Variants in GRIA2 observed in about 807,000 individuals in gnomAD.
GRIA2 encodes the protein glutamate ionotropic receptor AMPA type subunit 2, also known as glutamate receptor 2.
GRIA2 carries 14 observed loss-of-function variants against 97.3 expected under a neutral mutation model. The observed-to-expected ratio is 0.14, with a 90% CI of 0.10 to 0.23. GRIA2 has a LOEUF of 0.23. Among genes scored for constraint, GRIA2 ranks in the 10% least tolerant of loss-of-function variants. The pLI is 1.00. For missense variants in GRIA2, 558 were observed against 1,069.8 expected (o/e 0.52, Z 6.67); for synonymous variants, 412 against 387.8 (o/e 1.06, Z -0.73).
intron 2 of GRIA2, among the ~76,000 whole-genome samples, chr4:157,256,045 G>T (rs1446128272): frequency 6.7e-6 from 1 of 149,452 alleles, no homozygotes; most frequent in Admixed American, 6.8e-5. Flanking sequence ...TTAAATAAAA[G>T]TACTGTGTAT....
At chr4:157,343,225 A>G (rs575337627) in intron 12 of GRIA2, among the ~76,000 whole-genome samples, 1 of 152,212 alleles carries the variant, frequency 6.6e-6, no homozygotes, top group Admixed American at 6.6e-5. Flanking sequence ...GATGACTTCT[A>G]TCTATCAGTA....
Position 157,280,132 on chromosome 4 carries a change from C to A in GRIA2, c.230-23420C>A, listed in dbSNP as rs1732529876. ...AGAGTGAGACTTTGGCTCAAACAAA[C>A]AAACAAAAACAAGTATGACTCACAT... is the stretch of plus-strand genomic sequence containing the variant. On this transcript the variant is annotated intron_variant, in intron 2 of 15. Coordinates refer to ENST00000264426, the MANE Select transcript of GRIA2 (RefSeq NM_001083619.3). Among the ~76,000 whole-genome samples, 4 of 152,038 alleles carry A rather than the reference C, an allele frequency of 2.6e-5. No individual in the cohort carries two copies. The South Asian group carries it at 8.3e-4, about 32-fold the overall frequency.
chr4:157,349,172 T>A (rs1024544437), intron 12 of GRIA2, among the ~76,000 whole-genome samples: 1 of 152,138 alleles, frequency 6.6e-6, no homozygotes, highest in Non-Finnish European at 1.5e-5. Context: ...TAATATGATA[T>A]TTGAGGGTAA....
intron 2 of GRIA2, among the ~76,000 whole-genome samples, chr4:157,267,381 G>C (rs1353390188): frequency 8.3e-6 from 1 of 120,180 alleles, no homozygotes; most frequent in South Asian, 2.8e-4. Context: ...GACAGAGTGA[G>C]ACTCCATCTC....
At chr4:157,248,625 G>GTA (rs1255840304) in intron 2 of GRIA2, among the ~76,000 whole-genome samples, 1 of 16,336 alleles carries the variant, frequency 6.1e-5, no homozygotes. Context: ...GTATATATAC[G>GTA]TATATATATA....
rs1187482585 is a variant in GRIA2, at chr4:157,364,199, T to C, written c.*768T>C. 6.6e-6 allele frequency: 1 copy of C among 152,494 alleles called. No individual in the cohort carries two copies. The highest frequency in any genetic ancestry group is 6.6e-5 in the Admixed American group (1 of 15,222). 9.4% of individuals were successfully genotyped at this position (152,494 alleles called of 1,614,324 possible). A position where few individuals can be genotyped will look rare whatever the true frequency, so the allele number is the denominator to read the frequency against. On this transcript the variant is annotated 3_prime_UTR_variant, in exon 16 of 16. Coordinates refer to ENST00000264426, the MANE Select transcript of GRIA2 (RefSeq NM_001083619.3). ...TAATTTAATATTGTTATTAAAACTT[T>C]AATGTATCCTATTCTTTAACATTTG...
At chr4:157,230,816 A>G (rs1034026400) in intron 2 of GRIA2, among the ~76,000 whole-genome samples, 1 of 151,900 alleles carries the variant, frequency 6.6e-6, no homozygotes, top group African/African-American at 2.4e-5. Context: ...GAAAGGAGGC[A>G]CTATGCATTT....
intron 2 of GRIA2, among the ~76,000 whole-genome samples, chr4:157,242,146 T>C (rs1730538387): frequency 6.6e-6 from 1 of 152,110 alleles, no homozygotes; most frequent in Non-Finnish European, 1.5e-5. Context: ...ATCTTCAGCA[T>C]ATGGTTTTGA....
At chr4:157,258,587 C>T (rs1579311014) in intron 2 of GRIA2, among the ~76,000 whole-genome samples, 2 of 152,162 alleles carry the variant, frequency 1.3e-5, no homozygotes, top group East Asian at 1.9e-4. Flanking sequence ...CTCGCCCTGC[C>T]TCCATTTGCC....
intron 2 of GRIA2, among the ~76,000 whole-genome samples, chr4:157,282,835 A>G (rs1732668719): frequency 6.6e-6 from 1 of 152,098 alleles, no homozygotes; most frequent in African/African-American, 2.4e-5. Flanking sequence ...CTGAGCCCAG[A>G]AAATATGTAT....
intron 6 of GRIA2, among the ~76,000 whole-genome samples, chr4:157,326,669 A>T (rs76662889): frequency 6.5e-4 from 99 of 152,310 alleles, no homozygotes; most frequent in African/African-American, 2.3e-3. Flanking sequence ...AGGAACTAGG[A>T]TATGTAATGT....
intron 2 of GRIA2, among the ~76,000 whole-genome samples, chr4:157,289,077 T>A (rs1237093110): frequency 1.3e-5 from 2 of 151,852 alleles, no homozygotes; most frequent in African/African-American, 2.4e-5. Context: ...ATTGGAGCTC[T>A]GCTGTGACCA....
At chr4:157,238,969 T>C (rs1213408489) in intron 2 of GRIA2, among the ~76,000 whole-genome samples, 2 of 152,170 alleles carry the variant, frequency 1.3e-5, no homozygotes, top group Non-Finnish European at 2.9e-5. Context: ...ATAAACAGTT[T>C]ATTAAAGTCT....
intron 2 of GRIA2, among the ~76,000 whole-genome samples, chr4:157,290,745 G>A (rs529639783): frequency 7.5e-4 from 113 of 151,646 alleles, no homozygotes; most frequent in African/African-American, 2.6e-3. Flanking sequence ...TTGATAAAGT[G>A]TTTTAGAAGC....
intron 7 of GRIA2, 88 bp downstream of exon 7, chr4:157,333,074 T>G (rs1735129543): frequency 9.1e-7 from 1 of 1,097,982 alleles, no homozygotes; most frequent in Admixed American, 2.5e-5. Flanking sequence ...GTCTTATTCC[T>G]TGTGTCTAAT....
intron 2 of GRIA2, among the ~76,000 whole-genome samples, chr4:157,292,409 A>G (rs1443893768): frequency 6.6e-6 from 1 of 152,058 alleles, no homozygotes; most frequent in African/African-American, 2.4e-5. Context: ...AGAAGAATTT[A>G]ATGTAAAAGG....
intron 2 of GRIA2, among the ~76,000 whole-genome samples, chr4:157,263,743 G>A (rs968281751): frequency 5.3e-5 from 8 of 152,016 alleles, no homozygotes; most frequent in Non-Finnish European, 8.8e-5. Context: ...TAGTCAATGA[G>A]AATCTTATTA....
chr4:157,333,099 C>A (rs559286454), intron 7 of GRIA2, 113 bp downstream of exon 7: 1 of 986,540 alleles, frequency 1.0e-6, no homozygotes, highest in East Asian at 2.6e-5. Context: ...AGGCAATGTT[C>A]TTTTCTAACA....
At chr4:157,275,256 T>C (rs1388021110) in intron 2 of GRIA2, among the ~76,000 whole-genome samples, 1 of 152,206 alleles carries the variant, frequency 6.6e-6, no homozygotes, top group African/African-American at 2.4e-5. Flanking sequence ...TCATTGTAGA[T>C]TCTGGATATT....
Sources: allele counts gnomAD v4.1 joint callset (sites outside exome capture counted in the v4.1 genomes callset), GRCh38; gene constraint gnomAD v4.1.1; transcripts MANE v1.5; gene names NCBI Gene and HGNC (gene_info 2026-07-23, HGNC 2026-07-21).